Variants in PCDH9 observed in about 807,000 individuals in gnomAD.
The protein encoded by PCDH9 is protocadherin-9.
A neutral mutation model predicts 70.6 loss-of-function variants in PCDH9; 24 were observed. That is an observed-to-expected ratio of 0.34 (90% CI 0.25 to 0.48). PCDH9 has a LOEUF of 0.48. Among genes scored for constraint, PCDH9 ranks in the 20% least tolerant of loss-of-function variants. The pLI is 0.99. For synonymous variants in PCDH9, 562 were observed against 558.5 expected (o/e 1.01, Z -0.09); for missense variants, 1,281 against 1,503.6 (o/e 0.85, Z 2.45).
Position 66,730,466 on chromosome 13 carries a change from A to G in PCDH9, c.3139-99055T>C, listed in dbSNP as rs1428785854. Among the ~76,000 whole-genome samples the G allele has an allele frequency of 2.0e-5, 3 of 152,072 alleles. 1 individual carries two copies. The highest frequency in any genetic ancestry group is 4.4e-5 in the Non-Finnish European group (3 of 68,012). On this transcript the variant is annotated intron_variant, in intron 3 of 4. Coordinates refer to ENST00000377865, the MANE Select transcript of PCDH9 (RefSeq NM_203487.3). ...TCTCAGCTCTAACATCTCTTCCTCT[A>G]GAAAATATCACTTGCCTTTGTTTTG...
chr13:66,387,664 C>T (rs1956952132), intron 4 of PCDH9, among the ~76,000 whole-genome samples: 2 of 152,014 alleles, frequency 1.3e-5, no homozygotes, highest in African/African-American at 2.4e-5. Context: ...CTCTATGAGG[C>T]CCTCACCAGA....
intron 4 of PCDH9, among the ~76,000 whole-genome samples, chr13:66,553,378 G>A (rs758804615): frequency 6.6e-6 from 1 of 152,078 alleles, no homozygotes; most frequent in Non-Finnish European, 1.5e-5. Flanking sequence ...TAAACTGTTG[G>A]ATAAGTTAAA....
chr13:67,024,579 A>G (rs1392954431), intron 2 of PCDH9, among the ~76,000 whole-genome samples: 1 of 151,986 alleles, frequency 6.6e-6, no homozygotes, highest in African/African-American at 2.4e-5. Context: ...GAAATAGCAT[A>G]TATTGGTTAG....
At chr13:67,039,805 T>C (rs1172122362) in intron 2 of PCDH9, among the ~76,000 whole-genome samples, 2 of 152,140 alleles carry the variant, frequency 1.3e-5, no homozygotes, top group African/African-American at 4.8e-5. Context: ...TGTAGCGAAG[T>C]TGAACAAAAG....
intron 2 of PCDH9, among the ~76,000 whole-genome samples, chr13:67,152,857 G>T (rs1016318350): frequency 3.9e-5 from 6 of 152,192 alleles, no homozygotes; most frequent in Non-Finnish European, 5.9e-5. Context: ...TACCTAGGAA[G>T]AATAAATCTA....
chr13:66,573,001 A>G (rs1401936932), intron 4 of PCDH9, among the ~76,000 whole-genome samples: 1 of 152,008 alleles, frequency 6.6e-6, no homozygotes, highest in African/African-American at 2.4e-5. Flanking sequence ...TTTTGTGAGA[A>G]ACCCCAATAC....
intron 4 of PCDH9, among the ~76,000 whole-genome samples, chr13:66,630,236 C>T (rs1280191205): frequency 6.6e-6 from 1 of 151,950 alleles, no homozygotes; most frequent in Non-Finnish European, 1.5e-5. Context: ...GTTTTAGGAT[C>T]ACAGCAAAAT....
At position 66,383,893 on chromosome 13, in the gene PCDH9, C is replaced by T. The variant is rs547275985; in HGVS notation, c.3341-78865G>A. Among the ~76,000 whole-genome samples the T allele has an allele frequency of 7.2e-5, 11 of 152,166 alleles. No individual in the cohort carries two copies. The South Asian group carries it at 2.1e-3, about 29-fold the overall frequency. On this transcript the variant is annotated intron_variant, in intron 4 of 4. Transcript: ENST00000377865. ...TATTTATTTATGATAATAGGTGATT[C>T]GTGAACATCATTAAATATATGTGCC...
chr13:67,192,111 G>A (rs949982676), intron 2 of PCDH9, among the ~76,000 whole-genome samples: 1 of 152,008 alleles, frequency 6.6e-6, no homozygotes, highest in Admixed American at 6.6e-5. Flanking sequence ...TGTAGAAAGA[G>A]ATGAACACAG....
At chr13:66,697,712 A>T (rs535559201) in intron 3 of PCDH9, among the ~76,000 whole-genome samples, 5 of 152,282 alleles carry the variant, frequency 3.3e-5, no homozygotes, top group African/African-American at 1.2e-4. Context: ...CCTCTATAGT[A>T]AGATGGTTCT....
chr13:66,599,882 A>G (rs2077145602), intron 4 of PCDH9, among the ~76,000 whole-genome samples: 1 of 151,892 alleles, frequency 6.6e-6, no homozygotes, highest in African/African-American at 2.4e-5. Context: ...TGTCCCTAAT[A>G]TAATTTTCTC....
Position 66,653,985 on chromosome 13 carries a change from A to AAAG in PCDH9, c.3139-22575_3139-22574insCTT, listed in dbSNP as rs576503175. On this transcript the variant is annotated intron_variant, in intron 3 of 4. Transcript: ENST00000377865. ...TCCGTCTCAAAATTAAAAAAAAAAA[A>AAAG]ATAGAAAGAAAATCAGTATGTCAAA... is the stretch of plus-strand genomic sequence containing the variant. Among the ~76,000 whole-genome samples, 545 of 150,402 alleles carry AAAG rather than the reference A, an allele frequency of 3.6e-3. 29 individuals carry two copies. In the East Asian group the frequency reaches 0.073, roughly 20 times the overall value.
At chr13:67,131,608 A>G (rs1475810691) in intron 2 of PCDH9, among the ~76,000 whole-genome samples, 2 of 152,188 alleles carry the variant, frequency 1.3e-5, no homozygotes, top group East Asian at 3.8e-4. Flanking sequence ...CTATTTTTCA[A>G]TATGCATTAA....
intron 3 of PCDH9, among the ~76,000 whole-genome samples, chr13:66,738,887 G>A (rs1490998472): frequency 7.4e-5 from 11 of 148,818 alleles, no homozygotes; most frequent in African/African-American, 1.2e-4. Context: ...AAAGTGATGC[G>A]GAGAATGGAA....
chr13:66,641,605 A>C lies in PCDH9; in HGVS notation c.3139-10194T>G, dbSNP rs545696595. 2.6e-5 allele frequency among the ~76,000 whole-genome samples: 4 copies of C among 152,280 alleles called. No individual in the cohort carries two copies. The East Asian group carries it at 5.8e-4, about 22-fold the overall frequency. ...TTTTCCAGAATTGAGGAGAGAGGGG[A>C]AACAACAGATATGGAAGGGACTGTC... On this transcript the variant is annotated intron_variant, in intron 3 of 4. Transcript: ENST00000377865.
chr13:66,589,841 A>C (rs2077015867), intron 4 of PCDH9, among the ~76,000 whole-genome samples: 1 of 152,160 alleles, frequency 6.6e-6, no homozygotes, highest in Non-Finnish European at 1.5e-5. Flanking sequence ...TTATAGTTAA[A>C]TGAAATAACT....
At position 66,739,201 on chromosome 13, in the gene PCDH9, A is replaced by C. The variant is rs1461437609; in HGVS notation, c.3139-107790T>G. Among the ~76,000 whole-genome samples, 4 of 138,184 alleles carry C rather than the reference A, an allele frequency of 2.9e-5. No homozygotes were observed. The South Asian group carries it at 1.0e-3, about 35-fold the overall frequency. The allele number at this position is 138,184 out of a possible 152,430, so 90.7% of individuals were successfully genotyped here. A position where few individuals can be genotyped will look rare whatever the true frequency, so the allele number is the denominator to read the frequency against. ...GGGCCAATATTCAACATTCTTAAAG[A>C]AAAGAATTTTCAACCCAGAATTTCA... On this transcript the variant is annotated intron_variant, in intron 3 of 4. Coordinates refer to ENST00000377865, the MANE Select transcript of PCDH9 (RefSeq NM_203487.3).
At chr13:66,362,808 T>C (rs1046492925) in intron 4 of PCDH9, among the ~76,000 whole-genome samples, 1 of 152,178 alleles carries the variant, frequency 6.6e-6, no homozygotes, top group African/African-American at 2.4e-5. Context: ...CAGGCTCTAA[T>C]TGTAGCCCTT....
intron 4 of PCDH9, among the ~76,000 whole-genome samples, chr13:66,399,358 A>C (rs2138290131): frequency 6.6e-6 from 1 of 152,286 alleles, no homozygotes; most frequent in South Asian, 2.1e-4. Flanking sequence ...CTGGGGTCAG[A>C]CTGCATCTTT....
Sources: allele counts gnomAD v4.1 joint callset (sites outside exome capture counted in the v4.1 genomes callset), GRCh38; gene constraint gnomAD v4.1.1; transcripts MANE v1.5; gene names NCBI Gene and HGNC (gene_info 2026-07-23, HGNC 2026-07-21).